Variants in RLN2 observed in about 807,000 individuals in gnomAD.
The protein encoded by RLN2 is relaxin 2.
Under a neutral mutation model 7.3 loss-of-function variants are expected in RLN2, and 10 were observed. The observed-to-expected ratio is 1.36, with a 90% CI of 0.84 to 2.31. RLN2 has a LOEUF of 2.31. Among genes scored for constraint, RLN2 ranks in the 30% most tolerant of loss-of-function variants. RLN2 has a pLI of 0.00. For missense variants in RLN2, 298 were observed against 217.6 expected, an observed-to-expected ratio of 1.37 and a Z score of -2.32; for synonymous variants, 103 against 82.3, an observed-to-expected ratio of 1.25 and a Z score of -1.36.
At chr9:5,325,334 G>A in the RLN2 span, among the ~76,000 whole-genome samples, 16 of 151,798 alleles carry the variant, frequency 1.1e-4, no homozygotes, top group Non-Finnish European at 1.9e-4. Flanking sequence ...TTTAAAAATA[G>A]GAAAGGCTAG....
chr9:5,323,712 G>A, the RLN2 span, among the ~76,000 whole-genome samples: 1 of 151,866 alleles, frequency 6.6e-6, no homozygotes, highest in African/African-American at 2.4e-5. Context: ...CTTTAAATAT[G>A]CAAATGTTTA....
chr9:5,327,507 C>G, the RLN2 span, among the ~76,000 whole-genome samples: 1 of 152,106 alleles, frequency 6.6e-6, no homozygotes, highest in Non-Finnish European at 1.5e-5. Context: ...CAGACAACTT[C>G]TGCAGACTTA....
At chr9:5,319,151 A>T in the RLN2 span, among the ~76,000 whole-genome samples, 1 of 151,940 alleles carries the variant, frequency 6.6e-6, no homozygotes. Flanking sequence ...GGAACTATAA[A>T]CACGTTCACT....
At chr9:5,319,231 ATTTC>A in the RLN2 span, among the ~76,000 whole-genome samples, 1 of 151,946 alleles carries the variant, frequency 6.6e-6, no homozygotes, top group Non-Finnish European at 1.5e-5. Flanking sequence ...GGTGACTAAG[ATTTC>A]TTTAATTCCT....
At chr9:5,300,806 G>C (rs1043592971) in intron 1 of RLN2, among the ~76,000 whole-genome samples, 6 of 152,090 alleles carry the variant, frequency 3.9e-5, no homozygotes, top group African/African-American at 1.4e-4. Context: ...CATTTTCTTG[G>C]ATTCTTCTTA....
At chr9:5,312,856 T>C in the RLN2 span, among the ~76,000 whole-genome samples, 2 of 152,096 alleles carry the variant, frequency 1.3e-5, no homozygotes, top group Non-Finnish European at 2.9e-5. Flanking sequence ...GGGGGTCTAA[T>C]TTCTACGTAT....
the RLN2 span, among the ~76,000 whole-genome samples, chr9:5,332,766 C>T: frequency 0.012 from 1,826 of 151,884 alleles, 65 homozygotes; most frequent in African/African-American, 0.042. Context: ...CAGGCGCACA[C>T]CACCACTCCT....
rs375775129 is a variant in RLN2 at position 5,300,402 on chromosome 9, T to C, written c.254A>G (p.Asn85Ser). ...ATTAGCAACAAATTCTGACATCATA[T>C]TTATGGTTTCTGTATCTTTGTTGAT... ...SFINKDTETI[N>S]MMSEFVANLP... Residue 85 changes from asparagine (N) to serine (S), a missense_variant, in exon 2 of 2, where the codon AAT becomes AGT. By Grantham distance (46) the Asn-to-Ser change is conservative. Coordinates refer to ENST00000381627, the MANE Select transcript of RLN2 (RefSeq NM_134441.3). The C allele has an allele frequency of 6.2e-6, 10 of 1,610,686 alleles. No individual in the cohort carries two copies. The African/African-American group carries it at 9.4e-5, about 15-fold the overall frequency.
At chr9:5,306,846 C>T (rs1371564454), upstream of RLN2, among the ~76,000 whole-genome samples, 33 of 152,014 alleles carry the variant, frequency 2.2e-4, no homozygotes, top group Admixed American at 2.2e-3. Flanking sequence ...ACATTCGAGG[C>T]TGTAAGTGCT....
At chr9:5,311,366 T>C in the RLN2 span, 31 of 442,118 alleles carry the variant, frequency 7.0e-5, no homozygotes, top group African/African-American at 5.9e-4. Flanking sequence ...ATGTAGCTGA[T>C]AGGGAAAACA....
At chr9:5,325,990 T>G in the RLN2 span, among the ~76,000 whole-genome samples, 4 of 152,112 alleles carry the variant, frequency 2.6e-5, no homozygotes, top group Admixed American at 2.6e-4. Context: ...TCATTTCAAG[T>G]GTGGATTTTT....
At chr9:5,305,486 C>T (rs1816232181), upstream of RLN2, among the ~76,000 whole-genome samples, 1 of 151,304 alleles carries the variant, frequency 6.6e-6, no homozygotes, top group Non-Finnish European at 1.5e-5. Flanking sequence ...TAACAAATTA[C>T]AGCACAAAGA....
the RLN2 span, among the ~76,000 whole-genome samples, chr9:5,336,545 T>A: frequency 6.6e-6 from 1 of 152,116 alleles, no homozygotes; most frequent in African/African-American, 2.4e-5. Context: ...TCTCTGGCAC[T>A]GCCAGTTAAA....
chr9:5,309,494 A>G (rs1360647761), upstream of RLN2, among the ~76,000 whole-genome samples: 1 of 151,870 alleles, frequency 6.6e-6, no homozygotes, highest in African/African-American at 2.4e-5. Context: ...TCACTCCCTG[A>G]CAGTTCCCCT....
chr9:5,314,222 C>T, the RLN2 span, among the ~76,000 whole-genome samples: 1 of 152,090 alleles, frequency 6.6e-6, no homozygotes, highest in East Asian at 1.9e-4. Context: ...TAGGTAGCCA[C>T]AGTACACTTC....
chr9:5,317,667 T>C, the RLN2 span, among the ~76,000 whole-genome samples: 1 of 151,916 alleles, frequency 6.6e-6, no homozygotes, highest in Non-Finnish European at 1.5e-5. Flanking sequence ...ACAATGGTTC[T>C]AACATACAAA....
chr9:5,306,114 T>G (rs529322615), upstream of RLN2, among the ~76,000 whole-genome samples: 2,986 of 150,142 alleles, frequency 0.02, 65 homozygotes, highest in Middle Eastern at 0.045. Context: ...TTTTTGTTTT[T>G]TTTTTTTTTT....
the RLN2 span, chr9:5,335,467 C>T: frequency 6.2e-7 from 1 of 1,613,586 alleles, no homozygotes; most frequent in Non-Finnish European, 8.5e-7. Flanking sequence ...CAGGTACATA[C>T]TGCTGTAGCT....
At position 5,300,121 on chromosome 9, in the gene RLN2, T is replaced by C; in HGVS notation, c.535A>G (p.Arg179Gly). 6.3e-7 allele frequency: 1 copy of C among 1,598,524 alleles called. No homozygotes were observed. The highest frequency in any genetic ancestry group is 8.5e-7 in the Non-Finnish European group (1 of 1,174,570). The change falls in exon 2 of 2, where the codon AGA (arginine) becomes GGA (glycine). Residue 179 changes from arginine to glycine, a missense_variant. Physicochemically the swap from Arg to Gly is moderately radical, Grantham distance 125 (BLOSUM62 -2). Coordinates refer to ENST00000381627, the MANE Select transcript of RLN2 (RefSeq NM_134441.3). ...TCTCAGCAAAATCTAGCAAGAGATC[T>C]TTTGGTACAACCAACATGGCAACAT... is the stretch of plus-strand genomic sequence containing the variant. The part of the protein sequence containing the change: ...NKCCHVGCTK[R>G]SLARFC
Sources: allele counts gnomAD v4.1 joint callset (sites outside exome capture counted in the v4.1 genomes callset), GRCh38; gene constraint gnomAD v4.1.1; transcripts MANE v1.5; gene names NCBI Gene and HGNC (gene_info 2026-07-23, HGNC 2026-07-21).